The following LRRC4C variants were observed in gnomAD, a reference collection of about 807,000 sequenced individuals.
LRRC4C encodes the protein leucine-rich repeat-containing protein 4C.
In LRRC4C, 5 loss-of-function variants were observed where a neutral mutation model predicts 33.6. That is an observed-to-expected ratio of 0.15 (90% CI 0.08 to 0.31). The LOEUF (loss-of-function observed/expected upper bound fraction) is 0.31. Ranked by LOEUF, LRRC4C falls within the 10% of genes least tolerant of loss-of-function variation. The pLI is 1.00. For missense variants in LRRC4C, 560 were observed against 796.7 expected (o/e 0.70, Z 3.58); for synonymous variants, 329 against 302.0 (o/e 1.09, Z -0.93).
chr11:41,224,637 A>T (rs1415897045), intron 1 of LRRC4C, among the ~76,000 whole-genome samples: 3 of 152,212 alleles, frequency 2.0e-5, no homozygotes, highest in African/African-American at 7.2e-5. Flanking sequence ...TCAGACATGA[A>T]TTTGTATCCC....
chr11:40,444,821 G>A (rs1223825999), intron 3 of LRRC4C, among the ~76,000 whole-genome samples: 1 of 152,192 alleles, frequency 6.6e-6, no homozygotes, highest in Non-Finnish European at 1.5e-5. Context: ...TGAATTAGCT[G>A]CAGTAGGCTG....
chr11:40,354,857 T>A (rs1239240928), intron 3 of LRRC4C, among the ~76,000 whole-genome samples: 1 of 152,042 alleles, frequency 6.6e-6, no homozygotes, highest in African/African-American at 2.4e-5. Flanking sequence ...ACCCAAGCTG[T>A]AAGACAAAGT....
chr11:40,657,789 G>A (rs550358554), intron 2 of LRRC4C, among the ~76,000 whole-genome samples: 10 of 152,320 alleles, frequency 6.6e-5, no homozygotes, highest in African/African-American at 2.4e-4. Flanking sequence ...TGTCACAGGT[G>A]AGGGTCCTCA....
At chr11:40,250,473 C>T (rs1483402622) in intron 4 of LRRC4C, among the ~76,000 whole-genome samples, 1 of 152,046 alleles carries the variant, frequency 6.6e-6, no homozygotes, top group African/African-American at 2.4e-5. Context: ...GGCATGGTGG[C>T]TCATGCCTGT....
At chr11:40,633,005 G>A (rs546374827) in intron 3 of LRRC4C, among the ~76,000 whole-genome samples, 2 of 152,186 alleles carry the variant, frequency 1.3e-5, no homozygotes, top group South Asian at 4.2e-4. Flanking sequence ...TCTTTGCCAA[G>A]GCTACTTTGG....
At chr11:40,145,234 T>C (rs1174407280) in intron 5 of LRRC4C, among the ~76,000 whole-genome samples, 1 of 152,156 alleles carries the variant, frequency 6.6e-6, no homozygotes, top group African/African-American at 2.4e-5. Context: ...TATAATCAAT[T>C]AGCATGATTA....
At chr11:40,254,572 A>C (rs1173383462) in intron 4 of LRRC4C, among the ~76,000 whole-genome samples, 2 of 152,206 alleles carry the variant, frequency 1.3e-5, no homozygotes, top group Non-Finnish European at 2.9e-5. Context: ...TTTTAAAAAC[A>C]TGATACACAT....
intron 5 of LRRC4C, among the ~76,000 whole-genome samples, chr11:40,195,220 C>T (rs932759589): frequency 2.8e-4 from 42 of 152,232 alleles, no homozygotes; most frequent in Admixed American, 2.4e-3. Context: ...GATTCCTTTA[C>T]ATCATACAGT....
chr11:40,153,246 A>T (rs1025954655), intron 5 of LRRC4C, among the ~76,000 whole-genome samples: 2 of 152,180 alleles, frequency 1.3e-5, no homozygotes, highest in Non-Finnish European at 2.9e-5. Flanking sequence ...AGTGGGGAGT[A>T]CTATATCAAG....
chr11:40,908,759 T>C (rs1263693379), intron 2 of LRRC4C, among the ~76,000 whole-genome samples: 2 of 152,160 alleles, frequency 1.3e-5, no homozygotes, highest in Non-Finnish European at 1.5e-5. Flanking sequence ...GTGTAACTTA[T>C]TCATTTTCTA....
intron 3 of LRRC4C, among the ~76,000 whole-genome samples, chr11:40,525,075 A>G (rs769685836): frequency 6.6e-6 from 1 of 152,158 alleles, no homozygotes; most frequent in Non-Finnish European, 1.5e-5. Context: ...TAGTAAGAAA[A>G]CAAGGGCTCA....
intron 2 of LRRC4C, among the ~76,000 whole-genome samples, chr11:40,883,318 A>G (rs1444800298): frequency 6.6e-6 from 1 of 152,078 alleles, no homozygotes; most frequent in African/African-American, 2.4e-5. Context: ...GTGACTGGAT[A>G]GGGCAGTATT....
rs141016265 is a variant in LRRC4C, at chr11:41,193,537, G to A, written c.-495-259814C>T. Reference sequence around the variant, plus strand: ...AGAAGATATTCTTGTTGGAGAAACTGTCTCCAGATGTTGTATGACTTCACA... The same window carrying A: ...AGAAGATATTCTTGTTGGAGAAACTATCTCCAGATGTTGTATGACTTCACA... On this transcript the variant is annotated intron_variant, in intron 1 of 6. Coordinates refer to ENST00000528697, the MANE Select transcript of LRRC4C (RefSeq NM_001258419.2). 3.0e-3 allele frequency among the ~76,000 whole-genome samples: 464 copies of A among 152,254 alleles called. 2 individuals carry two copies. Among genetic ancestry groups the A allele is most frequent in the Non-Finnish European group, 5.8e-3 (393 of 68,004 alleles).
At chr11:40,802,635 T>C (rs147694622) in intron 2 of LRRC4C, among the ~76,000 whole-genome samples, 2 of 152,228 alleles carry the variant, frequency 1.3e-5, no homozygotes, top group East Asian at 3.9e-4. Flanking sequence ...TTGAACATTG[T>C]AGAATAAAGT....
intron 2 of LRRC4C, among the ~76,000 whole-genome samples, chr11:40,671,738 C>G (rs1944130270): frequency 6.6e-6 from 1 of 150,606 alleles, no homozygotes; most frequent in African/African-American, 2.4e-5. Flanking sequence ...ATATAATTAT[C>G]TCAAATAACC....
At chr11:40,503,428 T>G (rs1954875590) in intron 3 of LRRC4C, among the ~76,000 whole-genome samples, 1 of 152,224 alleles carries the variant, frequency 6.6e-6, no homozygotes, top group Non-Finnish European at 1.5e-5. Flanking sequence ...TTCTAGGTAT[T>G]GAGCTCCTTA....
intron 1 of LRRC4C, among the ~76,000 whole-genome samples, chr11:41,446,047 T>C (rs116015818): frequency 0.011 from 1,601 of 152,252 alleles, 23 homozygotes; most frequent in African/African-American, 0.036. Context: ...AAAAAATGAC[T>C]CAATAATAAC....
intron 2 of LRRC4C, among the ~76,000 whole-genome samples, chr11:40,776,135 G>A (rs952094395): frequency 1.3e-5 from 2 of 152,000 alleles, no homozygotes; most frequent in African/African-American, 4.8e-5. Flanking sequence ...ACTTGAATGT[G>A]GTGAATTAAC....
chr11:41,330,203 C>G (rs1951248575), intron 1 of LRRC4C, among the ~76,000 whole-genome samples: 1 of 152,136 alleles, frequency 6.6e-6, no homozygotes. Context: ...TTACTATTTA[C>G]TTCCTTATTG....
Sources: allele counts gnomAD v4.1 joint callset (sites outside exome capture counted in the v4.1 genomes callset), GRCh38; gene constraint gnomAD v4.1.1; transcripts MANE v1.5; gene names NCBI Gene and HGNC (gene_info 2026-07-23, HGNC 2026-07-21).